Variants in COMMD1 observed in about 807,000 individuals in gnomAD.
The protein encoded by COMMD1 is copper metabolism domain containing 1.
Under a neutral mutation model 17.2 loss-of-function variants are expected in COMMD1, and 10 were observed. That is an observed-to-expected ratio of 0.58 (90% CI 0.36 to 0.99). COMMD1 has a LOEUF of 0.99. Ranked by LOEUF, COMMD1 falls within the 50% of genes least tolerant of loss-of-function variation. COMMD1 has a pLI of 0.01. For synonymous variants in COMMD1, 97 were observed against 91.6 expected, an observed-to-expected ratio of 1.06 and a Z score of -0.34; for missense variants, 270 against 231.8, an observed-to-expected ratio of 1.17 and a Z score of -1.07.
chr2:61,979,460 G>C (rs932876396), intron 1 of COMMD1, among the ~76,000 whole-genome samples: 13 of 152,124 alleles, frequency 8.5e-5, no homozygotes, highest in Admixed American at 4.6e-4. Flanking sequence ...CTGGGCAACA[G>C]AGCAAGACTC....
chr2:62,120,985 C>G (rs1305432705), intron 2 of COMMD1, among the ~76,000 whole-genome samples: 1 of 152,056 alleles, frequency 6.6e-6, no homozygotes, highest in African/African-American at 2.4e-5. Flanking sequence ...CTCGGGCAAT[C>G]TACACACCTT....
At chr2:61,980,755 T>G (rs1376883569) in intron 1 of COMMD1, among the ~76,000 whole-genome samples, 3 of 151,358 alleles carry the variant, frequency 2.0e-5, no homozygotes, top group Non-Finnish European at 2.9e-5. Context: ...TTAGTTTAAT[T>G]AGATCCCATT....
Position 62,041,257 on chromosome 2 carries a change from CTA to C in COMMD1, c.462+40276_462+40277del, listed in dbSNP as rs555951719. On this transcript the variant is annotated intron_variant, in intron 2 of 2. Coordinates refer to ENST00000311832, the MANE Select transcript of COMMD1 (RefSeq NM_152516.4). ...TTTTAAATTAATCCATTTCTACTCT[CTA>C]GATTAAAAATCATGAATCTCTTGAT... 1.2e-4 allele frequency among the ~76,000 whole-genome samples: 18 copies of C among 152,158 alleles called. 1 individual carries two copies. In the South Asian group the frequency reaches 3.7e-3, roughly 32 times the overall value.
intron 2 of COMMD1, among the ~76,000 whole-genome samples, chr2:62,064,964 C>G (rs1015239568): frequency 1.3e-5 from 2 of 152,060 alleles, no homozygotes; most frequent in African/African-American, 4.8e-5. Context: ...TCCAGGAGTT[C>G]CAGACCAGCC....
chr2:61,936,380 C>T (rs560677794), intron 1 of COMMD1, among the ~76,000 whole-genome samples: 1 of 151,914 alleles, frequency 6.6e-6, no homozygotes, highest in African/African-American at 2.4e-5. Context: ...GGGAAGCATT[C>T]GAATATAAGA....
chr2:61,973,735 A>G (rs191149544), intron 1 of COMMD1, among the ~76,000 whole-genome samples: 1 of 152,350 alleles, frequency 6.6e-6, no homozygotes, highest in East Asian at 1.9e-4. Context: ...TCTGAATTTA[A>G]AGAATAGTAT....
chr2:61,951,309 C>T (rs930430858), intron 1 of COMMD1, among the ~76,000 whole-genome samples: 1 of 152,022 alleles, frequency 6.6e-6, no homozygotes, highest in Non-Finnish European at 1.5e-5. Flanking sequence ...ACTAAAAATA[C>T]AAAAATTAGG....
At chr2:62,087,324 C>G (rs968525478) in intron 2 of COMMD1, among the ~76,000 whole-genome samples, 1 of 152,158 alleles carries the variant, frequency 6.6e-6, no homozygotes, top group African/African-American at 2.4e-5. Context: ...AAAGAAAGAC[C>G]TGAATGCAAC....
intron 1 of COMMD1, among the ~76,000 whole-genome samples, chr2:61,990,215 G>A (rs1341812853): frequency 4.6e-5 from 7 of 152,196 alleles, no homozygotes; most frequent in Non-Finnish European, 7.4e-5. Context: ...GAGGTAGGGG[G>A]ATATGAAGAG....
upstream of COMMD1, among the ~76,000 whole-genome samples, chr2:61,901,834 CTATTT>C (rs531311240): frequency 2.3e-3 from 353 of 152,008 alleles, 1 homozygote; most frequent in African/African-American, 7.9e-3. Context: ...AGATTTGACT[CTATTT>C]TATTTTATTT....
At chr2:61,984,172 G>C (rs2103760578) in intron 1 of COMMD1, among the ~76,000 whole-genome samples, 1 of 152,232 alleles carries the variant, frequency 6.6e-6, no homozygotes, top group African/African-American at 2.4e-5. Flanking sequence ...TTACAGGCGT[G>C]TGCCACCACA....
At chr2:61,902,552 A>C (rs1477001678), upstream of COMMD1, among the ~76,000 whole-genome samples, 4 of 152,104 alleles carry the variant, frequency 2.6e-5, no homozygotes, top group Non-Finnish European at 5.9e-5. Context: ...AGAAACCCCT[A>C]TAGAAAATGG....
chr2:62,059,943 T>TG (rs34274605), intron 2 of COMMD1, among the ~76,000 whole-genome samples: 23,910 of 151,902 alleles, frequency 0.16, 1,999 homozygotes, highest in East Asian at 0.21. Context: ...TAATGAATTT[T>TG]GGGGGGGGAA....
chr2:61,908,172 A>G (rs75215140), intron 1 of COMMD1, among the ~76,000 whole-genome samples: 19,018 of 151,802 alleles, frequency 0.13, 1,517 homozygotes, highest in Non-Finnish European at 0.18. Context: ...ATTGTTTTAC[A>G]TAGGGCTGAA....
At chr2:62,077,818 G>T (rs1023030549) in intron 2 of COMMD1, among the ~76,000 whole-genome samples, 7 of 152,082 alleles carry the variant, frequency 4.6e-5, no homozygotes, top group African/African-American at 1.4e-4. Flanking sequence ...AAGCTTCAAG[G>T]AAATACATTT....
intron 2 of COMMD1, among the ~76,000 whole-genome samples, chr2:62,105,125 C>CA (rs545189413): frequency 1.8e-3 from 149 of 82,108 alleles, no homozygotes; most frequent in Middle Eastern, 0.019. Context: ...AACTCTGTCT[C>CA]AAAAAAAAAA....
At chr2:61,941,554 C>T (rs1278129186) in intron 1 of COMMD1, among the ~76,000 whole-genome samples, 1 of 152,146 alleles carries the variant, frequency 6.6e-6, no homozygotes, top group East Asian at 1.9e-4. Context: ...TCAACTGTTT[C>T]ATCTGCGGTG....
chr2:61,938,530 C>T (rs181554566), intron 1 of COMMD1, among the ~76,000 whole-genome samples: 53 of 152,336 alleles, frequency 3.5e-4, no homozygotes, highest in African/African-American at 7.2e-4. Context: ...TTAACCTTCA[C>T]GTGCCCACTT....
intron 1 of COMMD1, among the ~76,000 whole-genome samples, chr2:61,954,598 C>T (rs1461253872): frequency 2.0e-5 from 3 of 151,918 alleles, no homozygotes; most frequent in Non-Finnish European, 4.4e-5. Flanking sequence ...TAGTCATTTG[C>T]AACATTTTAT....
Sources: allele counts gnomAD v4.1 joint callset (sites outside exome capture counted in the v4.1 genomes callset), GRCh38; gene constraint gnomAD v4.1.1; transcripts MANE v1.5; gene names NCBI Gene and HGNC (gene_info 2026-07-23, HGNC 2026-07-21).